GAS2L3: variants seen among roughly 807,000 people sequenced by gnomAD.
The protein encoded by GAS2L3 is GAS2-like protein 3.
GAS2L3 carries 28 observed loss-of-function variants against 37.0 expected under a neutral mutation model. That is an observed-to-expected ratio of 0.76 (90% CI 0.56 to 1.04). The LOEUF (loss-of-function observed/expected upper bound fraction) is 1.04. Ranked by LOEUF, GAS2L3 falls within the 50% of genes least tolerant of loss-of-function variation. The probability of loss-of-function intolerance (pLI) is 0.00; values close to 1 mark genes in which losing one functional copy is unlikely to be tolerated. For synonymous variants in GAS2L3, 290 were observed against 296.6 expected (o/e 0.98, Z 0.23); for missense variants, 793 against 817.6 (o/e 0.97, Z 0.37).
chr12:100,621,005 C>T (rs1426302243), intron 8 of GAS2L3, among the ~76,000 whole-genome samples: 6 of 151,986 alleles, frequency 3.9e-5, no homozygotes, highest in South Asian at 2.1e-4. Flanking sequence ...TTTATACGCA[C>T]GTTATTTTGT....
intron 1 of GAS2L3, among the ~76,000 whole-genome samples, chr12:100,588,394 G>A (rs1231958706): frequency 6.6e-6 from 1 of 152,186 alleles, no homozygotes; most frequent in Admixed American, 6.5e-5. Context: ...CAAAAGGGCA[G>A]GGAGTGTAAG....
chr12:100,593,654 C>G (rs1471844917), intron 2 of GAS2L3: 4 of 152,028 alleles, frequency 2.6e-5, no homozygotes, highest in African/African-American at 9.7e-5. Context: ...AGCTTCTTTG[C>G]TGCATTTTTA....
rs1189022303 is a variant in GAS2L3, at chr12:100,627,486, C to T, written c.*2596C>T. 1 of 152,170 alleles carries T rather than the reference C, an allele frequency of 6.6e-6. No homozygotes were observed. Among genetic ancestry groups the T allele is most frequent in the Non-Finnish European group, 1.5e-5 (1 of 68,058 alleles). The allele number at this position is 152,170 out of a possible 1,614,324, so 9.4% of individuals were successfully genotyped here. Reference sequence around the variant, plus strand: ...GAGATGGGGGTTTCACCATGTCGGCCAGGCTGATCTCAAACTCCTGACCTC... The same window carrying T: ...GAGATGGGGGTTTCACCATGTCGGCTAGGCTGATCTCAAACTCCTGACCTC... On this transcript the variant is annotated 3_prime_UTR_variant, in exon 10 of 10. Coordinates refer to ENST00000547754, the MANE Select transcript of GAS2L3 (RefSeq NM_174942.3).
intron 2 of GAS2L3, among the ~76,000 whole-genome samples, chr12:100,593,080 A>AAATGCC (rs746737967): frequency 3.9e-4 from 59 of 152,242 alleles, no homozygotes; most frequent in Non-Finnish European, 6.8e-4. Context: ...TCTTGGGAAT[A>AAATGCC]AATGCCTGAG....
chr12:100,614,869 T>A (rs1309930084), intron 6 of GAS2L3, among the ~76,000 whole-genome samples: 1 of 152,260 alleles, frequency 6.6e-6, no homozygotes, highest in Non-Finnish European at 1.5e-5. Flanking sequence ...TATGGTAGAC[T>A]AATATTCCAT....
chr12:100,602,432 G>C (rs1327442972), intron 5 of GAS2L3, among the ~76,000 whole-genome samples: 2 of 151,348 alleles, frequency 1.3e-5, no homozygotes, highest in African/African-American at 2.4e-5. Flanking sequence ...TCATTCTGGG[G>C]GATAGTGGAT....
intron 1 of GAS2L3, chr12:100,578,972 C>A: frequency 1.1e-6 from 1 of 894,804 alleles, no homozygotes; most frequent in South Asian, 1.4e-5. Flanking sequence ...TTATGGAAAT[C>A]GAAAAGGCAT....
At chr12:100,575,095 T>C (rs754434843) in intron 1 of GAS2L3, among the ~76,000 whole-genome samples, 1 of 152,180 alleles carries the variant, frequency 6.6e-6, no homozygotes, top group Non-Finnish European at 1.5e-5. Context: ...AATTTCCTAG[T>C]CTGTGAAAGA....
chr12:100,609,952 C>T (rs1956106090), intron 5 of GAS2L3, among the ~76,000 whole-genome samples: 1 of 152,232 alleles, frequency 6.6e-6, no homozygotes, highest in Non-Finnish European at 1.5e-5. Flanking sequence ...TTAAGACTGT[C>T]TTTCCTGCCC....
rs1272303476 is a variant in GAS2L3 at position 100,627,759 on chromosome 12, C to CT, written c.*2875dup. The CT allele has an allele frequency of 6.6e-6, 1 of 152,072 alleles. No individual in the cohort carries two copies. Among genetic ancestry groups the CT allele is most frequent in the Non-Finnish European group, 1.5e-5 (1 of 68,008 alleles). 9.4% of individuals were successfully genotyped at this position (152,072 alleles called of 1,614,324 possible). ...ATAACAGTGCAAGATTTTGTAAATT[C>CT]TTTTTTGTGTTTAATGTTTAATAAA... On this transcript the variant is annotated 3_prime_UTR_variant, in exon 10 of 10. Transcript: ENST00000547754.
In GAS2L3 at chr12:100,594,899, G is replaced by C. The variant is rs1207292021; in HGVS notation, c.-6G>C. The C allele has an allele frequency of 5.2e-6, 7 of 1,345,966 alleles. No homozygotes were observed. Among genetic ancestry groups the C allele is most frequent in the Non-Finnish European group, 7.1e-6 (7 of 992,004 alleles). 83.4% of individuals were successfully genotyped at this position (1,345,966 alleles called of 1,614,324 possible). A position where few individuals can be genotyped will look rare whatever the true frequency, so the allele number is the denominator to read the frequency against. ...GAAAAGAAATTTCATTTCAATATAGGTGACTATGCAGCCTGCAATTCAAGT... is the reference window on the plus strand; with the variant it reads ...GAAAAGAAATTTCATTTCAATATAGCTGACTATGCAGCCTGCAATTCAAGT... On this transcript the variant is annotated 5_prime_UTR_variant, in exon 3 of 10. Coordinates refer to ENST00000547754, the MANE Select transcript of GAS2L3 (RefSeq NM_174942.3).
intron 1 of GAS2L3, chr12:100,580,206 C>G: frequency 1.5e-6 from 1 of 662,388 alleles, no homozygotes; most frequent in Non-Finnish European, 2.8e-6. Context: ...AGAAGAGAGC[C>G]TACATTGTAA....
At chr12:100,608,486 C>G (rs1956084223) in intron 5 of GAS2L3, among the ~76,000 whole-genome samples, 2 of 152,172 alleles carry the variant, frequency 1.3e-5, no homozygotes, top group African/African-American at 4.8e-5. Context: ...TTCCCCCAGG[C>G]CCTGTTGGGT....
At chr12:100,608,226 G>A (rs2114909) in intron 5 of GAS2L3, among the ~76,000 whole-genome samples, 3 of 151,872 alleles carry the variant, frequency 2.0e-5, no homozygotes, top group Non-Finnish European at 2.9e-5. Flanking sequence ...TACTTTATCC[G>A]AAACAAATGG....
chr12:100,621,693 A>T (rs1415563604), intron 8 of GAS2L3, among the ~76,000 whole-genome samples: 1 of 152,068 alleles, frequency 6.6e-6, no homozygotes, highest in African/African-American at 2.4e-5. Flanking sequence ...GGGACAAGTG[A>T]AAATTCCTAC....
In GAS2L3 at chr12:100,601,651, G is replaced by A; in HGVS notation, c.201G>A (p.Lys67=). The A allele has an allele frequency of 6.6e-7, 1 of 1,520,274 alleles. No homozygotes were observed. Among genetic ancestry groups the A allele is most frequent in the African/African-American group, 1.4e-5 (1 of 72,976 alleles). The allele number at this position is 1,520,274 out of a possible 1,614,324, so 94.2% of individuals were successfully genotyped here. The change falls in exon 5 of 10, where the codon AAG becomes AAA. Residue 67 remains lysine, a synonymous_variant. Transcript: ENST00000547754. ...WLSGLLGIKV[K]AEKLLEELDN... is the part of the protein sequence containing the mutation. The stretch of plus-strand genomic sequence containing the variant: ...ATATGTTTTTAGGTATTAAAGTTAA[G>A]GCAGAAAAATTATTGGAAGAACTTG...
intron 1 of GAS2L3, among the ~76,000 whole-genome samples, chr12:100,586,396 G>A (rs1236237209): frequency 6.6e-6 from 1 of 152,176 alleles, no homozygotes; most frequent in Non-Finnish European, 1.5e-5. Context: ...AGACCACAGA[G>A]GAGTAATACT....
intron 6 of GAS2L3, among the ~76,000 whole-genome samples, chr12:100,616,127 C>A (rs977661020): frequency 6.6e-6 from 1 of 152,080 alleles, no homozygotes; most frequent in African/African-American, 2.4e-5. Flanking sequence ...CATGAGATGT[C>A]TTTATTTATA....
chr12:100,583,714 C>T (rs1452916118), intron 1 of GAS2L3, among the ~76,000 whole-genome samples: 1 of 152,092 alleles, frequency 6.6e-6, no homozygotes, highest in African/African-American at 2.4e-5. Context: ...CATAATACAT[C>T]TGCCTTGGCC....
Sources: gnomAD v4.1 joint callset for allele counts (sites outside exome capture counted in the v4.1 genomes callset) on GRCh38, gnomAD v4.1.1 for gene constraint, MANE v1.5 for transcripts, NCBI Gene and HGNC (gene_info 2026-07-23, HGNC 2026-07-21) for gene names.